CSMD1: variants seen among roughly 807,000 people sequenced by gnomAD.
CSMD1 encodes CUB and sushi domain-containing protein 1.
CSMD1 carries 213 observed loss-of-function variants against 417.5 expected under a neutral mutation model. That is an observed-to-expected ratio of 0.51 (90% CI 0.46 to 0.57). CSMD1 has a LOEUF of 0.57. Among genes scored for constraint, CSMD1 ranks in the 20% least tolerant of loss-of-function variants. CSMD1 has a pLI of 0.00. For synonymous variants in CSMD1, 2,862 were observed against 1,736.8 expected, an observed-to-expected ratio of 1.65 and a Z score of -16.11; for missense variants, 6,923 against 4,529.7, an observed-to-expected ratio of 1.53 and a Z score of -15.17.
rs1403636872 is a variant in CSMD1, at chr8:3,928,858, G to A, written c.818+69045C>T. ...GTCATGCTGTCACTATACAAGGGTA[G>A]GAGAAATGTCATGGAGCTTTCCACT... On this transcript the variant is annotated intron_variant, in intron 5 of 69. Transcript: ENST00000635120. Among the ~76,000 whole-genome samples the A allele has an allele frequency of 1.1e-4, 16 of 145,108 alleles. 1 individual carries two copies. In the East Asian group the frequency reaches 3.3e-3, roughly 30 times the overall value.
intron 3 of CSMD1, among the ~76,000 whole-genome samples, chr8:4,200,908 G>A (rs1045704822): frequency 6.6e-6 from 1 of 152,158 alleles, no homozygotes; most frequent in Non-Finnish European, 1.5e-5. Flanking sequence ...CGCTAAGCTA[G>A]TTTAAAGTAT....
intron 3 of CSMD1, among the ~76,000 whole-genome samples, chr8:4,225,184 C>A (rs564739410): frequency 2.6e-5 from 4 of 152,274 alleles, no homozygotes; most frequent in Admixed American, 2.6e-4. Flanking sequence ...TTTCAGGACA[C>A]ATGGCAACTC....
At chr8:3,617,922 AAT>A (rs1764585169) in intron 7 of CSMD1, among the ~76,000 whole-genome samples, 1 of 152,246 alleles carries the variant, frequency 6.6e-6, no homozygotes, top group African/African-American at 2.4e-5. Context: ...AGAAGAAAAT[AAT>A]ATGTCTGGGT....
intron 11 of CSMD1, among the ~76,000 whole-genome samples, chr8:3,483,430 C>T (rs1817853543): frequency 6.6e-6 from 1 of 151,892 alleles, no homozygotes; most frequent in Non-Finnish European, 1.5e-5. Flanking sequence ...CAAAACTCAA[C>T]CAAGATAAAA....
At position 2,961,149 on chromosome 8, in the gene CSMD1, C is replaced by G. The variant is rs751813279; in HGVS notation, c.9694G>C (p.Gly3232Arg). Reference sequence around the variant, plus strand: ...AATTCATAATGAACTACCTCATAGCCTCTGGAGCTATTCTGTATTCCAAAG... The same window carrying G: ...AATTCATAATGAACTACCTCATAGCGTCTGGAGCTATTCTGTATTCCAAAG... ...PHFGIQNSSRGYEVGSTVFFR... is the reference protein window; with the variant it reads ...PHFGIQNSSRRYEVGSTVFFR... The change falls in exon 62 of 70, where the codon GGC (glycine) becomes CGC (arginine). Residue 3232 changes from glycine to arginine, a missense_variant. Transcript: ENST00000635120. 6.3e-7 allele frequency: 1 copy of G among 1,585,484 alleles called. No homozygotes were observed. The highest frequency in any genetic ancestry group is 8.6e-7 in the Non-Finnish European group (1 of 1,160,266).
chr8:4,280,047 G>A (rs902032056), intron 3 of CSMD1, among the ~76,000 whole-genome samples: 2 of 152,216 alleles, frequency 1.3e-5, no homozygotes, highest in Non-Finnish European at 2.9e-5. Context: ...TGAACTCATA[G>A]CTAGAACGCT....
At chr8:3,987,841 C>T (rs78111054) in intron 5 of CSMD1, among the ~76,000 whole-genome samples, 1 of 152,298 alleles carries the variant, frequency 6.6e-6, no homozygotes, top group African/African-American at 2.4e-5. Flanking sequence ...TAATTGACAG[C>T]CTGCCAAAAA....
chr8:4,227,335 G>A (rs1801420710), intron 3 of CSMD1, among the ~76,000 whole-genome samples: 1 of 152,064 alleles, frequency 6.6e-6, no homozygotes, highest in South Asian at 2.1e-4. Context: ...CACCACCCCT[G>A]CCTGTCCTAA....
At chr8:3,117,356 A>T (rs1482332279) in intron 42 of CSMD1, among the ~76,000 whole-genome samples, 1 of 152,142 alleles carries the variant, frequency 6.6e-6, no homozygotes, top group East Asian at 1.9e-4. Context: ...TTATTTTTAT[A>T]ATAATACAGA....
intron 21 of CSMD1, among the ~76,000 whole-genome samples, chr8:3,358,088 A>T (rs1326299200): frequency 6.6e-6 from 1 of 152,182 alleles, no homozygotes. Flanking sequence ...GTAAAATAAA[A>T]CAAGTTATGC....
chr8:4,221,303 A>G (rs1385942306), intron 3 of CSMD1, among the ~76,000 whole-genome samples: 3 of 151,918 alleles, frequency 2.0e-5, no homozygotes, highest in African/African-American at 7.3e-5. Context: ...TATTGAATAC[A>G]CTCATGGACT....
At chr8:4,895,622 C>A (rs530744007) in intron 1 of CSMD1, among the ~76,000 whole-genome samples, 18 of 151,862 alleles carry the variant, frequency 1.2e-4, no homozygotes, top group African/African-American at 3.9e-4. Context: ...ATATGACTTT[C>A]CTACTCTGAT....
At chr8:4,446,718 TGTG>T (rs1798813290) in intron 2 of CSMD1, among the ~76,000 whole-genome samples, 1 of 143,332 alleles carries the variant, frequency 7.0e-6, no homozygotes, top group Non-Finnish European at 1.5e-5. Flanking sequence ...ATGCCTGAGT[TGTG>T]TGTGTGTGTG....
Position 4,701,825 on chromosome 8 carries a change from G to C in CSMD1, c.86-64267C>G, listed in dbSNP as rs115777926. ...GATGCATAATCTCATATTTACTCTG[G>C]ATGAAGAATCCCATGCAACTCCATT... On this transcript the variant is annotated intron_variant, in intron 1 of 69. Coordinates refer to ENST00000635120, the MANE Select transcript of CSMD1 (RefSeq NM_033225.6). Among the ~76,000 whole-genome samples the C allele has an allele frequency of 5.1e-3, 774 of 152,190 alleles. 8 individuals carry two copies. Among genetic ancestry groups the C allele is most frequent in the African/African-American group, 0.018 (744 of 41,526 alleles).
At chr8:4,823,251 G>C (rs968302306) in intron 1 of CSMD1, among the ~76,000 whole-genome samples, 6 of 151,914 alleles carry the variant, frequency 3.9e-5, no homozygotes, top group African/African-American at 9.6e-5. Context: ...TCTTATGCTT[G>C]TGTTTTCCAA....
At chr8:3,978,633 T>C (rs903413589) in intron 5 of CSMD1, among the ~76,000 whole-genome samples, 2 of 152,154 alleles carry the variant, frequency 1.3e-5, no homozygotes, top group African/African-American at 4.8e-5. Flanking sequence ...GTCTCGTCGC[T>C]GCTGTCTCTC....
intron 50 of CSMD1, among the ~76,000 whole-genome samples, chr8:3,045,867 T>C (rs550800845): frequency 6.6e-6 from 1 of 152,292 alleles, no homozygotes; most frequent in African/African-American, 2.4e-5. Flanking sequence ...ACATACCTCA[T>C]AATAATTAAG....
intron 3 of CSMD1, among the ~76,000 whole-genome samples, chr8:4,189,175 C>G (rs561672739): frequency 6.6e-6 from 1 of 152,252 alleles, no homozygotes; most frequent in African/African-American, 2.4e-5. Flanking sequence ...GGTGCACACA[C>G]AGCACGTAAG....
At chr8:3,204,741 G>C (rs1199093960) in intron 31 of CSMD1, among the ~76,000 whole-genome samples, 1 of 152,162 alleles carries the variant, frequency 6.6e-6, no homozygotes, top group Non-Finnish European at 1.5e-5. Context: ...AGTGAGTGCT[G>C]TCTCAGACAT....
Sources: gnomAD v4.1 joint callset for allele counts (sites outside exome capture counted in the v4.1 genomes callset) on GRCh38, gnomAD v4.1.1 for gene constraint, MANE v1.5 for transcripts, NCBI Gene and HGNC (gene_info 2026-07-23, HGNC 2026-07-21) for gene names.